Variants in SHMT1 observed in about 807,000 individuals in gnomAD.
SHMT1 encodes serine hydroxymethyltransferase, cytosolic.
SHMT1 carries 45 observed loss-of-function variants against 49.0 expected under a neutral mutation model. That is an observed-to-expected ratio of 0.92 (90% confidence interval 0.72 to 1.18). SHMT1 has a LOEUF of 1.18. Among genes scored for constraint, SHMT1 ranks in the 50% most tolerant of loss-of-function variants. The probability of loss-of-function intolerance (pLI) is 0.00; values close to 1 mark genes in which losing one functional copy is unlikely to be tolerated. For missense variants in SHMT1, 541 were observed against 612.4 expected (o/e 0.88, Z 1.23); for synonymous variants, 232 against 246.6 (o/e 0.94, Z 0.55).
intron 5 of SHMT1, among the ~76,000 whole-genome samples, chr17:18,342,222 G>A (rs1162745270): frequency 6.6e-6 from 1 of 152,088 alleles, no homozygotes; most frequent in Non-Finnish European, 1.5e-5. Flanking sequence ...TAATCAGTCT[G>A]AAAAAAGAAA....
intron 11 of SHMT1, 139 bp downstream of exon 11, chr17:18,329,139 G>A: frequency 3.4e-6 from 3 of 874,760 alleles, no homozygotes; most frequent in South Asian, 1.4e-5. Context: ...TGATTTACAT[G>A]TGTTTTTTGC....
intron 5 of SHMT1, among the ~76,000 whole-genome samples, chr17:18,345,702 T>C (rs1459039742): frequency 6.7e-6 from 1 of 150,268 alleles, no homozygotes; most frequent in African/African-American, 2.4e-5. Flanking sequence ...TTTTTTGAGA[T>C]GGAGTTTCAC....
At chr17:18,339,197 C>T (rs1380896520) in intron 7 of SHMT1, among the ~76,000 whole-genome samples, 3 of 151,470 alleles carry the variant, frequency 2.0e-5, no homozygotes, top group Admixed American at 6.6e-5. Flanking sequence ...TATGGGAATT[C>T]GAAAATAAGG....
intron 10 of SHMT1, 114 bp downstream of exon 10, chr17:18,330,441 T>A (rs892737063): frequency 1.2e-6 from 1 of 864,852 alleles, no homozygotes; most frequent in Non-Finnish European, 2.0e-6. Flanking sequence ...CAGCCCCCAC[T>A]ACAGTTTTTA....
At chr17:18,335,498 G>T in intron 8 of SHMT1, 61 bp downstream of exon 8, 2 of 1,185,662 alleles carry the variant, frequency 1.7e-6, no homozygotes, top group Non-Finnish European at 2.5e-6. Context: ...ACACGATTTT[G>T]GAGGACAGGT....
At chr17:18,348,773 G>A (rs1293959909) in intron 3 of SHMT1, 8 of 520,470 alleles carry the variant, frequency 1.5e-5, no homozygotes, top group Non-Finnish European at 3.0e-5. Context: ...CCAGGAGTTC[G>A]AGACCAGCCT....
At chr17:18,342,306 C>A (rs1984608292) in intron 5 of SHMT1, among the ~76,000 whole-genome samples, 1 of 152,092 alleles carries the variant, frequency 6.6e-6, no homozygotes, top group Non-Finnish European at 1.5e-5. Context: ...CTCAGACAGA[C>A]AAATACTGCA....
chr17:18,343,303 T>C (rs1984718966), intron 5 of SHMT1, among the ~76,000 whole-genome samples: 1 of 151,986 alleles, frequency 6.6e-6, no homozygotes, highest in South Asian at 2.1e-4. Context: ...TTCATTTTAT[T>C]AAACTTCTAT....
chr17:18,358,726 G>A (rs1343837261), intron 1 of SHMT1, among the ~76,000 whole-genome samples: 1 of 150,982 alleles, frequency 6.6e-6, no homozygotes, highest in Non-Finnish European at 1.5e-5. Context: ...ACATGGCAAA[G>A]CCCCATTTCT....
At chr17:18,336,610 G>C (rs1044706108) in intron 7 of SHMT1, among the ~76,000 whole-genome samples, 1 of 151,842 alleles carries the variant, frequency 6.6e-6, no homozygotes, top group African/African-American at 2.4e-5. Context: ...AGGTTGTAGC[G>C]AGCCGAGATT....
rs1982785391 is a variant in SHMT1, at chr17:18,328,344, C to T, written c.*406G>A. The T allele has an allele frequency of 3.7e-6, 1 of 272,338 alleles. No individual in the cohort carries two copies. The allele number at this position is 272,338 out of a possible 1,614,324, so 16.9% of individuals were successfully genotyped here. On this transcript the variant is annotated 3_prime_UTR_variant, in exon 12 of 12. Transcript: ENST00000316694. Reference sequence around the variant, plus strand: ...CAAGATAGTGAGGGGGCAGTGTGTACAAGCTGTGGACATGGGCATTTCCTC... The same window carrying T: ...CAAGATAGTGAGGGGGCAGTGTGTATAAGCTGTGGACATGGGCATTTCCTC...
At position 18,358,851 on chromosome 17, in the gene SHMT1, C is replaced by G. The variant is rs144518520; in HGVS notation, c.-19-2851G>C. On this transcript the variant is annotated intron_variant, in intron 1 of 11. Coordinates refer to ENST00000316694, the MANE Select transcript of SHMT1 (RefSeq NM_004169.5). ...CTGGAAGCTAGAGGTTGCAATGAGC[C>G]GTGATTGTGGCAGTGCATTCCAGCC... 3.5e-3 allele frequency among the ~76,000 whole-genome samples: 534 copies of G among 152,182 alleles called. 2 individuals carry two copies. The highest frequency in any genetic ancestry group is 0.02 in the Middle Eastern group (6 of 294).
chr17:18,335,810 A>AAC, intron 7 of SHMT1, 135 bp from the exon 8 acceptor site: 2 of 762,894 alleles, frequency 2.6e-6, no homozygotes, highest in Non-Finnish European at 4.8e-6. Flanking sequence ...ACTGATTTGT[A>AAC]ACACAGCGGA....
chr17:18,349,248 C>T (rs1303832519), intron 3 of SHMT1, among the ~76,000 whole-genome samples: 1 of 151,868 alleles, frequency 6.6e-6, no homozygotes, highest in Non-Finnish European at 1.5e-5. Context: ...GGTGAAACCC[C>T]GTCTCTACTA....
intron 5 of SHMT1, chr17:18,341,325 T>A (rs1984480935): frequency 5.3e-6 from 1 of 189,076 alleles, no homozygotes; most frequent in African/African-American, 2.4e-5. Context: ...TTTAGCAAGG[T>A]CACTGGATAC....
In SHMT1 at chr17:18,351,283, G is replaced by A. The variant is rs1475234084; in HGVS notation, c.242+2389C>T. Among the ~76,000 whole-genome samples the A allele has an allele frequency of 3.9e-5, 6 of 152,112 alleles. No homozygotes were observed. The East Asian group carries it at 9.8e-4, about 25-fold the overall frequency. On this transcript the variant is annotated intron_variant, in intron 3 of 11. Coordinates refer to ENST00000316694, the MANE Select transcript of SHMT1 (RefSeq NM_004169.5). ...AGCCTCCCGAGTAGCTGGGACTACAGGCGCCAGCCACCACACCTGGCTAAT... is the reference window on the plus strand; with the variant it reads ...AGCCTCCCGAGTAGCTGGGACTACAAGCGCCAGCCACCACACCTGGCTAAT...
chr17:18,332,823 G>A, intron 9 of SHMT1: 1 of 383,914 alleles, frequency 2.6e-6, no homozygotes, highest in South Asian at 2.0e-5. Flanking sequence ...TCACCACACA[G>A]TCCTGGTGCC....
chr17:18,338,650 C>T (rs923702280), intron 7 of SHMT1, among the ~76,000 whole-genome samples: 17 of 152,210 alleles, frequency 1.1e-4, no homozygotes, highest in Non-Finnish European at 1.0e-4. Context: ...ATAGAGAAAT[C>T]AGATTGTTGC....
chr17:18,330,458 G>A (rs1480455515), intron 10 of SHMT1, 97 bp downstream of exon 10: 19 of 936,974 alleles, frequency 2.0e-5, no homozygotes, highest in Non-Finnish European at 3.4e-5. Context: ...TTTATGTGAG[G>A]TCTGTCCCCG....
Sources: gnomAD v4.1 joint callset for allele counts (sites outside exome capture counted in the v4.1 genomes callset) on GRCh38, gnomAD v4.1.1 for gene constraint, MANE v1.5 for transcripts, NCBI Gene and HGNC (gene_info 2026-07-23, HGNC 2026-07-21) for gene names.